NXPH2: variants seen among roughly 807,000 people sequenced by gnomAD.
NXPH2 encodes the protein neurexophilin 2, also known as neurexophilin-2.
In NXPH2, 5 loss-of-function variants were observed where a neutral mutation model predicts 19.8. The observed-to-expected ratio is 0.25, with a 90% CI of 0.13 to 0.53. The LOEUF is 0.53. Among genes scored for constraint, NXPH2 ranks in the 20% least tolerant of loss-of-function variants. The pLI, the probability that NXPH2 is intolerant of heterozygous loss-of-function variation, is 0.96. For synonymous variants in NXPH2, 154 were observed against 127.4 expected (o/e 1.21, Z -1.41); for missense variants, 289 against 322.8 (o/e 0.90, Z 0.80).
intron 1 of NXPH2, among the ~76,000 whole-genome samples, chr2:138,742,340 T>C (rs1681658480): frequency 6.6e-6 from 1 of 151,524 alleles, no homozygotes; most frequent in African/African-American, 2.4e-5. Context: ...TGGAATAAAG[T>C]GAGGCCTTTT....
chr2:138,715,561 A>G (rs1299493844), intron 1 of NXPH2, among the ~76,000 whole-genome samples: 1 of 152,144 alleles, frequency 6.6e-6, no homozygotes, highest in Non-Finnish European at 1.5e-5. Flanking sequence ...TCTGAATTGG[A>G]GGGGAGAACA....
In NXPH2 at chr2:138,669,241, A is replaced by G. The variant is rs1359168670; in HGVS notation, c.*1681T>C. On this transcript the variant is annotated 3_prime_UTR_variant, in exon 2 of 2. Transcript: ENST00000272641. Reference sequence around the variant, plus strand: ...TCTGTACACAGAAAATTCTAAGTATATATATATAGATATATGATTCCCACA... The same window carrying G: ...TCTGTACACAGAAAATTCTAAGTATGTATATATAGATATATGATTCCCACA... Among the ~76,000 whole-genome samples the G allele has an allele frequency of 6.6e-6, 1 of 152,156 alleles. No individual in the cohort carries two copies. The highest frequency in any genetic ancestry group is 2.4e-5 in the African/African-American group (1 of 41,448).
chr2:138,734,442 A>G (rs1368967968), intron 1 of NXPH2, among the ~76,000 whole-genome samples: 1 of 152,200 alleles, frequency 6.6e-6, no homozygotes, highest in Non-Finnish European at 1.5e-5. Context: ...GAGAAAGGCA[A>G]TGAGGTAAAC....
intron 1 of NXPH2, among the ~76,000 whole-genome samples, chr2:138,677,885 C>G (rs771292031): frequency 6.6e-6 from 1 of 152,170 alleles, no homozygotes; most frequent in Non-Finnish European, 1.5e-5. Context: ...AGACCCTGCA[C>G]CCAGACACTG....
chr2:138,712,997 T>TAAGTGTTGGTTATTCAAGAAAA (rs1681128044), intron 1 of NXPH2, among the ~76,000 whole-genome samples: 5 of 152,230 alleles, frequency 3.3e-5, no homozygotes, highest in Admixed American at 3.3e-4. Context: ...ACATGATTTT[T>TAAGTGTTGGTTATTCAAGAAAA]AAGTGTTGGT....
At chr2:138,685,413 G>T (rs1680632957) in intron 1 of NXPH2, among the ~76,000 whole-genome samples, 1 of 152,134 alleles carries the variant, frequency 6.6e-6, no homozygotes, top group Non-Finnish European at 1.5e-5. Context: ...ACTCAGTTAT[G>T]CCTGTTGCTT....
chr2:138,757,013 A>G (rs1681919567), intron 1 of NXPH2, among the ~76,000 whole-genome samples: 1 of 152,160 alleles, frequency 6.6e-6, no homozygotes, highest in Non-Finnish European at 1.5e-5. Context: ...CTGAAGTAGT[A>G]TGTCTTTAAT....
Position 138,778,576 on chromosome 2 carries a change from CA to C in NXPH2, c.51+1614del, listed in dbSNP as rs143392811. ...TCACACTGCTTACGGAGCAGATACA[CA>C]GTTCATATTTATTAAATGCAAAATT... On this transcript the variant is annotated intron_variant, in intron 1 of 1. Coordinates refer to ENST00000272641, the MANE Select transcript of NXPH2 (RefSeq NM_007226.3). Among the ~76,000 whole-genome samples, 453 of 152,294 alleles carry C rather than the reference CA, an allele frequency of 3.0e-3. 2 individuals are homozygous for C. The highest frequency in any genetic ancestry group is 5.2e-3 in the South Asian group (25 of 4,828).
At chr2:138,693,180 C>G (rs1680769605) in intron 1 of NXPH2, among the ~76,000 whole-genome samples, 1 of 152,140 alleles carries the variant, frequency 6.6e-6, no homozygotes, top group Non-Finnish European at 1.5e-5. Flanking sequence ...GAGTGGCCAT[C>G]TGTTCTGGTC....
intron 1 of NXPH2, among the ~76,000 whole-genome samples, chr2:138,740,410 T>A (rs1218414149): frequency 6.6e-6 from 1 of 152,236 alleles, no homozygotes; most frequent in Admixed American, 6.5e-5. Flanking sequence ...TCTTGAACTT[T>A]GCTTGTTTGC....
At chr2:138,676,509 A>AGCCTGATAT (rs1558911051) in intron 1 of NXPH2, among the ~76,000 whole-genome samples, 1 of 152,200 alleles carries the variant, frequency 6.6e-6, no homozygotes, top group African/African-American at 2.4e-5. Context: ...ATAGGGAAGC[A>AGCCTGATAT]GCCTGATATG....
intron 1 of NXPH2, among the ~76,000 whole-genome samples, chr2:138,774,283 A>C (rs1682223957): frequency 6.6e-6 from 1 of 152,134 alleles, no homozygotes; most frequent in South Asian, 2.1e-4. Flanking sequence ...GATTTTGCTG[A>C]TTATATGTTA....
chr2:138,714,522 A>G (rs1681160335), intron 1 of NXPH2, among the ~76,000 whole-genome samples: 1 of 152,204 alleles, frequency 6.6e-6, no homozygotes, highest in Non-Finnish European at 1.5e-5. Flanking sequence ...GTTATATTCA[A>G]TGAGTGACTG....
intron 1 of NXPH2, among the ~76,000 whole-genome samples, chr2:138,753,917 A>G (rs1681862182): frequency 1.3e-5 from 2 of 152,050 alleles, no homozygotes; most frequent in Non-Finnish European, 2.9e-5. Flanking sequence ...TACAGACTCC[A>G]CTCATCATTC....
chr2:138,725,592 GA>G (rs1681344246), intron 1 of NXPH2, among the ~76,000 whole-genome samples: 1 of 152,224 alleles, frequency 6.6e-6, no homozygotes, highest in Non-Finnish European at 1.5e-5. Context: ...GGTTGGGACA[GA>G]AAGATGTTGT....
chr2:138,676,012 T>A (rs73961504), intron 1 of NXPH2, among the ~76,000 whole-genome samples: 5,169 of 152,098 alleles, frequency 0.034, 247 homozygotes, highest in East Asian at 0.11. Flanking sequence ...CACTTTTTTT[T>A]AAAATTTGGC....
chr2:138,756,830 G>C (rs568538850), intron 1 of NXPH2, among the ~76,000 whole-genome samples: 1 of 152,154 alleles, frequency 6.6e-6, no homozygotes, highest in East Asian at 1.9e-4. Flanking sequence ...AGTGGACTAA[G>C]AGGTAATTTA....
At chr2:138,753,072 C>A (rs1681849731) in intron 1 of NXPH2, among the ~76,000 whole-genome samples, 1 of 152,108 alleles carries the variant, frequency 6.6e-6, no homozygotes, top group East Asian at 1.9e-4. Context: ...TATGCACAGC[C>A]CACGCTTAAG....
At chr2:138,721,937 G>A (rs1025778464) in intron 1 of NXPH2, among the ~76,000 whole-genome samples, 2 of 152,172 alleles carry the variant, frequency 1.3e-5, no homozygotes, top group African/African-American at 4.8e-5. Context: ...TAGCAATGGC[G>A]GGAGCATGGC....
Sources: gnomAD v4.1 joint callset for allele counts (sites outside exome capture counted in the v4.1 genomes callset) on GRCh38, gnomAD v4.1.1 for gene constraint, MANE v1.5 for transcripts, NCBI Gene and HGNC (gene_info 2026-07-23, HGNC 2026-07-21) for gene names.